The following NBPF11 variants were observed in gnomAD, a reference collection of about 807,000 sequenced individuals.
NBPF11 encodes the protein NBPF family member NBPF11.
NBPF11 carries 72 observed loss-of-function variants against 93.9 expected under a neutral mutation model. The observed-to-expected ratio is 0.77, with a 90% CI of 0.63 to 0.93. NBPF11 has a LOEUF of 0.93. Ranked by LOEUF, NBPF11 falls within the 40% of genes least tolerant of loss-of-function variation. The pLI, the probability that NBPF11 is intolerant of heterozygous loss-of-function variation, is 0.00. For missense variants in NBPF11, 705 were observed against 802.2 expected (o/e 0.88, Z 1.46); for synonymous variants, 224 against 304.9 (o/e 0.73, Z 2.76).
intron 9 of NBPF11, 150 bp downstream of exon 9, chr1:148,121,905 G>A (rs1208324657): frequency 2.7e-6 from 2 of 731,526 alleles, no homozygotes; most frequent in Non-Finnish European, 2.5e-6. Flanking sequence ...GCCTTCCAAA[G>A]TGCTGTGATT....
At chr1:148,105,593 G>A (rs1663359861) in intron 21 of NBPF11, 65 bp from the exon 22 acceptor site, 3 of 714,234 alleles carry the variant, frequency 4.2e-6, no homozygotes, top group African/African-American at 2.2e-5. Context: ...GCCCCAACTA[G>A]GTTTCATGGG....
chr1:148,151,177 A>C (rs1648216039), intron 1 of NBPF11, among the ~76,000 whole-genome samples: 1 of 151,890 alleles, frequency 6.6e-6, no homozygotes, highest in Non-Finnish European at 1.5e-5. Context: ...ACCACAGTCC[A>C]ACCTACCAGA....
At chr1:148,146,855 C>T in intron 1 of NBPF11, 12 of 1,613,818 alleles carry the variant, frequency 7.4e-6, no homozygotes, top group South Asian at 4.4e-5. Flanking sequence ...GGTGCCAGCT[C>T]GGGCAGGCCT....
chr1:148,142,544 G>T (rs2149294632), intron 2 of NBPF11, among the ~76,000 whole-genome samples: 1 of 152,058 alleles, frequency 6.6e-6, no homozygotes, highest in East Asian at 1.9e-4. Flanking sequence ...TCGTCCATTT[G>T]TCATTCTCAC....
At position 148,152,269 on chromosome 1, in the gene NBPF11, CGTT is replaced by C. The variant is rs1328734154; in HGVS notation, c.-1071_-1069del. On this transcript the variant is annotated 5_prime_UTR_variant, in exon 1 of 24. Coordinates refer to ENST00000682118, the MANE Select transcript of NBPF11 (RefSeq NM_001385469.3). ...CCCTCGGAAGCCCGGAGCTACCCCG[CGTT>C]TAGGACTGCAGGCTTCGCGCTGCCG... 2 of 152,152 alleles carry C rather than the reference CGTT, an allele frequency of 1.3e-5. No individual in the cohort carries two copies. The highest frequency in any genetic ancestry group is 1.5e-5 in the Non-Finnish European group (1 of 68,074). 9.4% of individuals were successfully genotyped at this position (152,152 alleles called of 1,614,324 possible). A position where few individuals can be genotyped will look rare whatever the true frequency, so the allele number is the denominator to read the frequency against.
chr1:148,108,029 T>G (rs1341057584), intron 18 of NBPF11, among the ~76,000 whole-genome samples: 1 of 150,704 alleles, frequency 6.6e-6, no homozygotes, highest in Non-Finnish European at 1.5e-5. Context: ...TTATGCCATA[T>G]TTTTCCAATC....
intron 5 of NBPF11, 132 bp from the exon 6 acceptor site, chr1:148,125,133 C>A (rs1192655912): frequency 2.5e-6 from 2 of 791,814 alleles, no homozygotes; most frequent in Admixed American, 5.0e-5. Flanking sequence ...ACAGGGATTT[C>A]CACATCTTTA....
rs1237191680 is a variant in NBPF11 at position 148,150,222 on chromosome 1, G to A, written c.-549+1528C>T. On this transcript the variant is annotated intron_variant, in intron 1 of 23. Transcript: ENST00000682118. ...GCCAGAGTGCACTGGCACGATCACT[G>A]CTCACTGCAATCTCAACCTCCCAGG... Among the ~76,000 whole-genome samples the A allele has an allele frequency of 2.1e-3, 307 of 144,024 alleles. 3 individuals carry two copies. Among genetic ancestry groups the A allele is most frequent in the South Asian group, 9.5e-3 (44 of 4,650 alleles). 94.5% of individuals were successfully genotyped at this position (144,024 alleles called of 152,430 possible).
At chr1:148,143,999 G>A (rs1196240060) in intron 1 of NBPF11, among the ~76,000 whole-genome samples, 2 of 151,226 alleles carry the variant, frequency 1.3e-5, no homozygotes, top group Non-Finnish European at 2.9e-5. Context: ...TTAGAGGTTA[G>A]TGAGCTATGA....
chr1:148,139,960 C>T (rs1217556965), intron 2 of NBPF11, among the ~76,000 whole-genome samples: 1 of 151,096 alleles, frequency 6.6e-6, no homozygotes, highest in Non-Finnish European at 1.5e-5. Flanking sequence ...CTACAATGAT[C>T]TCAACCAGGT....
At chr1:148,135,364 A>G (rs1431579752) in intron 4 of NBPF11, 1 of 248,646 alleles carries the variant, frequency 4.0e-6, no homozygotes, top group Non-Finnish European at 7.7e-6. Flanking sequence ...ACATAAAGGG[A>G]GGGGACAGAC....
chr1:148,149,456 G>A lies in NBPF11; in HGVS notation c.-549+2294C>T. The A allele has an allele frequency of 4.4e-6, 7 of 1,588,774 alleles. No individual in the cohort carries two copies. In the South Asian group the frequency reaches 6.6e-5, roughly 15 times the overall value. ...CTACGAGCGCTGCCCCAAGGCGGTG[G>A]AGCCGCTGTGGGTGGAGGGCGCCGG... On this transcript the variant is annotated intron_variant, in intron 1 of 23. Coordinates refer to ENST00000682118, the MANE Select transcript of NBPF11 (RefSeq NM_001385469.3).
rs1664074978 is a variant in NBPF11 at position 148,107,725 on chromosome 1, GTCTTGGTCTTCTTCCACT to G, written c.2046_2063del (p.Glu682_Gln687del). 1 of 822,328 alleles carries G rather than the reference GTCTTGGTCTTCTTCCACT, an allele frequency of 1.2e-6. No homozygotes were observed. The highest frequency in any genetic ancestry group is 2.1e-6 in the Non-Finnish European group (1 of 465,906). The allele number at this position is 822,328 out of a possible 1,614,324, so 50.9% of individuals were successfully genotyped here. On this transcript the variant is annotated inframe_deletion, in exon 19 of 24. Coordinates refer to ENST00000682118, the MANE Select transcript of NBPF11 (RefSeq NM_001385469.3). ...CTCAAAGTTACCTGGGGCATGATGG[GTCTTGGTCTTCTTCCACT>G]TCTTGGTACTTTTCAATTTCTGCAA...
chr1:148,151,935 T>TATCTCCACCGCCGCC lies in NBPF11; in HGVS notation c.-749_-735dup, dbSNP rs1553277901. On this transcript the variant is annotated 5_prime_UTR_variant, in exon 1 of 24. In the 5' UTR this introduces an upstream ATG that the reference lacks. Transcript: ENST00000682118. ...CACCTACCCCTCCCAGCACCGCCGC[T>TATCTCCACCGCCGCC]ATCTCCACCGCCGCCCAGCAACTTG... 6.5e-6 allele frequency: 1 copy of TATCTCCACCGCCGCC among 153,268 alleles called. No individual in the cohort carries two copies. The highest frequency in any genetic ancestry group is 2.4e-5 in the African/African-American group (1 of 41,270). 9.5% of individuals were successfully genotyped at this position (153,268 alleles called of 1,614,324 possible). A position where few individuals can be genotyped will look rare whatever the true frequency, so the allele number is the denominator to read the frequency against.
chr1:148,149,095 C>T lies in NBPF11; in HGVS notation c.-549+2655G>A, dbSNP rs1164912360. ...TCGCATCCGGAGCTGGGCCCGGGGA[C>T]GCCCGCTGGTGGGAAGGGTGCGCGC... On this transcript the variant is annotated intron_variant, in intron 1 of 23. Coordinates refer to ENST00000682118, the MANE Select transcript of NBPF11 (RefSeq NM_001385469.3). 7 of 1,429,086 alleles carry T rather than the reference C, an allele frequency of 4.9e-6. No individual in the cohort carries two copies. In the Admixed American group the frequency reaches 6.3e-5, roughly 13 times the overall value. 88.5% of individuals were successfully genotyped at this position (1,429,086 alleles called of 1,614,324 possible).
At chr1:148,127,681 C>T (rs1365865830) in intron 4 of NBPF11, among the ~76,000 whole-genome samples, 2 of 111,412 alleles carry the variant, frequency 1.8e-5, no homozygotes, top group African/African-American at 3.7e-5. Context: ...CTCACTCTGT[C>T]GCCCAGGCTG....
chr1:148,149,272 G>A (rs1647613687), intron 1 of NBPF11: 5 of 1,596,418 alleles, frequency 3.1e-6, no homozygotes, highest in Non-Finnish European at 4.2e-6. Context: ...TGCACTCGCC[G>A]CTCACCTCGG....
chr1:148,116,741 G>C (rs1258885236), intron 12 of NBPF11, among the ~76,000 whole-genome samples: 102 of 151,900 alleles, frequency 6.7e-4, no homozygotes, highest in East Asian at 3.5e-3. Context: ...CCACCATCAA[G>C]ATGTGGCCAA....
At chr1:148,148,622 G>A (rs1647358872) in intron 1 of NBPF11, among the ~76,000 whole-genome samples, 1 of 152,036 alleles carries the variant, frequency 6.6e-6, no homozygotes, top group Non-Finnish European at 1.5e-5. Flanking sequence ...ATCTCACTGG[G>A]CGTGGGGACT....
Sources: gnomAD v4.1 joint callset for allele counts (sites outside exome capture counted in the v4.1 genomes callset) on GRCh38, gnomAD v4.1.1 for gene constraint, MANE v1.5 for transcripts, NCBI Gene and HGNC (gene_info 2026-07-23, HGNC 2026-07-21) for gene names.